KCNN2: variants seen among roughly 807,000 people sequenced by gnomAD.
The protein encoded by KCNN2 is potassium calcium-activated channel subfamily N member 2, also known as small conductance calcium-activated potassium channel protein 2.
KCNN2 carries 24 observed loss-of-function variants against 55.5 expected under a neutral mutation model. The observed-to-expected ratio is 0.43, with a 90% CI of 0.31 to 0.61. The LOEUF is 0.61. Among genes scored for constraint, KCNN2 ranks in the 20% least tolerant of loss-of-function variants. KCNN2 has a pLI of 0.08. For missense variants in KCNN2, 754 were observed against 853.6 expected (o/e 0.88, Z 1.45); for synonymous variants, 431 against 336.1 (o/e 1.28, Z -3.09).
At chr5:114,373,617 C>A (rs1757829793) in intron 2 of KCNN2, among the ~76,000 whole-genome samples, 1 of 82,400 alleles carries the variant, frequency 1.2e-5, no homozygotes, top group Non-Finnish European at 2.6e-5. Context: ...GAGTACCTCT[C>A]TCATGGTGTT....
chr5:114,057,869 T>C (rs1750244203), intron 1 of KCNN2, among the ~76,000 whole-genome samples: 1 of 152,226 alleles, frequency 6.6e-6, no homozygotes, highest in Non-Finnish European at 1.5e-5. Flanking sequence ...TATATGCATT[T>C]GGTTGGCCCC....
intron 2 of KCNN2, among the ~76,000 whole-genome samples, chr5:114,367,009 G>C (rs1306355275): frequency 2.0e-5 from 3 of 152,202 alleles, no homozygotes; most frequent in African/African-American, 7.2e-5. Flanking sequence ...TTCAGGAAAA[G>C]TAAGTGTTAT....
intron 2 of KCNN2, among the ~76,000 whole-genome samples, chr5:114,225,463 T>G (rs1754221646): frequency 6.6e-6 from 1 of 152,158 alleles, no homozygotes; most frequent in African/African-American, 2.4e-5. Flanking sequence ...TATAAAATAT[T>G]TTCAGAGTGA....
intron 2 of KCNN2, among the ~76,000 whole-genome samples, chr5:114,401,916 T>G (rs1758800965): frequency 6.6e-6 from 1 of 152,184 alleles, no homozygotes; most frequent in African/African-American, 2.4e-5. Flanking sequence ...CAGGCCATGG[T>G]GGGCCTTTGA....
chr5:114,152,313 T>G (rs1013729646), intron 1 of KCNN2, among the ~76,000 whole-genome samples: 1 of 152,244 alleles, frequency 6.6e-6, no homozygotes, highest in Non-Finnish European at 1.5e-5. Context: ...CAATAAACAC[T>G]TAAAATGTAT....
chr5:114,386,585 G>C (rs1758294295), intron 2 of KCNN2, among the ~76,000 whole-genome samples: 1 of 151,992 alleles, frequency 6.6e-6, no homozygotes, highest in African/African-American at 2.4e-5. Flanking sequence ...CACCTTTTTA[G>C]TAGTATCCTT....
At position 114,362,071 on chromosome 5, in the gene KCNN2, C is replaced by T. The variant is rs926673530; in HGVS notation, c.-69C>T. On this transcript the variant is annotated 5_prime_UTR_variant, in exon 1 of 8. Transcript: ENST00000673685. ...CTCGCACCAGCAGCAGGAGTCCCCGCTCCCGACCATAACGCATTGCGCAGG... is the reference window on the plus strand; with the variant it reads ...CTCGCACCAGCAGCAGGAGTCCCCGTTCCCGACCATAACGCATTGCGCAGG... The T allele has an allele frequency of 2.6e-5, 4 of 153,560 alleles. No individual in the cohort carries two copies. Among genetic ancestry groups the T allele is most frequent in the African/African-American group, 9.6e-5 (4 of 41,566 alleles). 9.5% of individuals were successfully genotyped at this position (153,560 alleles called of 1,614,324 possible).
rs368452104 is a variant in KCNN2 at position 114,121,577 on chromosome 5, C to A, written c.-271+65077C>A. 4.6e-5 allele frequency among the ~76,000 whole-genome samples: 7 copies of A among 152,226 alleles called. No homozygotes were observed. In the East Asian group the frequency reaches 1.2e-3, roughly 25 times the overall value. ...GGAGACAAGCGTCCTTTACCCATAA[C>A]CCCCCAGCTGCTGACAATAAGGAAA... On this transcript the variant is annotated intron_variant, in intron 1 of 10. Coordinates refer to the KCNN2 transcript ENST00000512097.
intron 1 of KCNN2, among the ~76,000 whole-genome samples, chr5:114,197,923 G>A (rs1252209362): frequency 1.6e-4 from 25 of 152,024 alleles, no homozygotes; most frequent in Non-Finnish European, 4.4e-5. Flanking sequence ...TGTTACATTT[G>A]CTGTATGCAT....
intron 1 of KCNN2, among the ~76,000 whole-genome samples, chr5:114,207,109 G>A (rs1753792076): frequency 6.6e-6 from 1 of 152,090 alleles, no homozygotes; most frequent in Admixed American, 6.6e-5. Context: ...GTTATCGATG[G>A]GAGCTGAGGG....
At chr5:114,212,357 T>G (rs947263371) in intron 1 of KCNN2, among the ~76,000 whole-genome samples, 1 of 151,990 alleles carries the variant, frequency 6.6e-6, no homozygotes, top group South Asian at 2.1e-4. Flanking sequence ...TCTATAGAGA[T>G]AAAGTAAATT....
At chr5:114,083,329 A>C (rs1750863884) in intron 1 of KCNN2, among the ~76,000 whole-genome samples, 1 of 152,002 alleles carries the variant, frequency 6.6e-6, no homozygotes, top group African/African-American at 2.4e-5. Context: ...TTAAGATAGA[A>C]GCTTAGATAA....
At chr5:114,222,609 G>A (rs1234471914) in intron 2 of KCNN2, among the ~76,000 whole-genome samples, 1 of 152,146 alleles carries the variant, frequency 6.6e-6, no homozygotes, top group East Asian at 1.9e-4. Flanking sequence ...GGATGGGAAT[G>A]TCAATTCTTC....
At chr5:114,446,480 CAG>C (rs1170749654) in intron 3 of KCNN2, among the ~76,000 whole-genome samples, 5 of 152,096 alleles carry the variant, frequency 3.3e-5, no homozygotes, top group African/African-American at 1.2e-4. Context: ...TTTTTTGAGA[CAG>C]AGTCTCGCCT....
At chr5:114,211,162 G>T (rs9326915) in intron 1 of KCNN2, among the ~76,000 whole-genome samples, 110,083 of 152,064 alleles carry the variant, frequency 0.72, 40,008 homozygotes, top group East Asian at 0.87. Flanking sequence ...CGATTTCTCA[G>T]AGAGATAAAA....
chr5:114,356,368 G>C (rs970036480), intron 2 of KCNN2, among the ~76,000 whole-genome samples: 28 of 152,202 alleles, frequency 1.8e-4, no homozygotes, highest in Admixed American at 9.2e-4. Flanking sequence ...TGACTTTCTA[G>C]ATTTGGGTGT....
At chr5:114,440,902 T>G (rs531335903) in intron 3 of KCNN2, among the ~76,000 whole-genome samples, 1 of 109,576 alleles carries the variant, frequency 9.1e-6, no homozygotes, top group East Asian at 4.2e-4. Context: ...GTGATCACAA[T>G]AAATGATATT....
intron 5 of KCNN2, 62 bp from the exon 6 acceptor site, chr5:114,486,988 A>G (rs1049472460): frequency 6.3e-7 from 1 of 1,592,872 alleles, no homozygotes; most frequent in African/African-American, 1.3e-5. Flanking sequence ...TATGACCCCC[A>G]GCAAAGTTAC....
intron 1 of KCNN2, among the ~76,000 whole-genome samples, chr5:114,170,369 T>A (rs2112542095): frequency 2.0e-5 from 3 of 152,204 alleles, no homozygotes; most frequent in East Asian, 3.9e-4. Flanking sequence ...TATTGAGATT[T>A]TATTAAGGCA....
Sources: allele counts gnomAD v4.1 joint callset (sites outside exome capture counted in the v4.1 genomes callset), GRCh38; gene constraint gnomAD v4.1.1; transcripts MANE v1.5; gene names NCBI Gene and HGNC (gene_info 2026-07-23, HGNC 2026-07-21).